Variants in PFKFB3 observed in about 807,000 individuals in gnomAD.
PFKFB3 encodes 6-phosphofructo-2-kinase/fructose-2,6-bisphosphatase 3.
Under a neutral mutation model 68.0 loss-of-function variants are expected in PFKFB3, and 33 were observed. The ratio of observed to expected loss-of-function variants is 0.49; its 90% CI spans 0.37 to 0.65. The LOEUF (loss-of-function observed/expected upper bound fraction) is 0.65. Ranked by LOEUF, PFKFB3 falls within the 30% of genes least tolerant of loss-of-function variation. The pLI is 0.00. For synonymous variants in PFKFB3, 315 were observed against 288.2 expected (o/e 1.09, Z -0.94); for missense variants, 586 against 712.2 (o/e 0.82, Z 2.02).
downstream of PFKFB3, among the ~76,000 whole-genome samples, chr10:6,258,635 T>A (rs1564239373): frequency 1.3e-5 from 2 of 152,250 alleles, no homozygotes; most frequent in African/African-American, 4.8e-5. Flanking sequence ...AAACCTGCTC[T>A]TAGCCTAGTG....
downstream of PFKFB3, among the ~76,000 whole-genome samples, chr10:6,237,376 AGAT>A (rs1426120729): frequency 2.2e-4 from 33 of 152,250 alleles, no homozygotes; most frequent in African/African-American, 7.7e-4. Flanking sequence ...GAGAAGACCC[AGAT>A]GATGTGCTGG....
At chr10:6,208,794 G>A (rs944308521) in intron 1 of PFKFB3, among the ~76,000 whole-genome samples, 1 of 152,168 alleles carries the variant, frequency 6.6e-6, no homozygotes, top group Admixed American at 6.5e-5. Flanking sequence ...CACTGTCCAG[G>A]TGGGGGATTC....
chr10:6,237,354 A>G (rs1846038026), downstream of PFKFB3, among the ~76,000 whole-genome samples: 1 of 152,246 alleles, frequency 6.6e-6, no homozygotes, highest in South Asian at 2.1e-4. Flanking sequence ...TAAATGGATA[A>G]CCAGTGCTGG....
At chr10:6,262,728 G>T in the PFKFB3 span, among the ~76,000 whole-genome samples, 12 of 152,126 alleles carry the variant, frequency 7.9e-5, no homozygotes, top group Non-Finnish European at 1.6e-4. Context: ...GAAGCCCTAA[G>T]GTAACAGAGA....
chr10:6,225,924 C>A (rs1014673540), intron 13 of PFKFB3, among the ~76,000 whole-genome samples: 9 of 152,198 alleles, frequency 5.9e-5, no homozygotes, highest in Admixed American at 5.9e-4. Context: ...TCCCTCCTTG[C>A]TTTGCAAGCA....
At chr10:6,147,108 C>G (rs940347253) in intron 1 of PFKFB3, among the ~76,000 whole-genome samples, 1 of 152,128 alleles carries the variant, frequency 6.6e-6, no homozygotes, top group African/African-American at 2.4e-5. Context: ...GGAGCCAGGC[C>G]GCGGCTGGGT....
At chr10:6,284,260 A>G in the PFKFB3 span, among the ~76,000 whole-genome samples, 4 of 152,132 alleles carry the variant, frequency 2.6e-5, no homozygotes, top group African/African-American at 9.7e-5. Flanking sequence ...TGCTAGACCT[A>G]TTTTTTATAC....
At chr10:6,292,555 C>T in the PFKFB3 span, among the ~76,000 whole-genome samples, 1 of 151,632 alleles carries the variant, frequency 6.6e-6, no homozygotes, top group East Asian at 1.9e-4. Context: ...TTCCAAAGTG[C>T]TGGGATTACA....
chr10:6,164,886 G>A (rs1054182757), intron 1 of PFKFB3, among the ~76,000 whole-genome samples: 2 of 152,072 alleles, frequency 1.3e-5, no homozygotes, highest in Non-Finnish European at 2.9e-5. Flanking sequence ...GCCACAGGGC[G>A]GTTTTCTCCT....
At chr10:6,281,856 A>C in the PFKFB3 span, among the ~76,000 whole-genome samples, 1 of 152,148 alleles carries the variant, frequency 6.6e-6, no homozygotes, top group Admixed American at 6.6e-5. Flanking sequence ...TGAATCTCTA[A>C]GTAGATTTTA....
rs1325727707 is a variant in PFKFB3, at chr10:6,220,694, G to C, written c.660G>C (p.Arg220=). 1 of 1,614,058 alleles carries C rather than the reference G, an allele frequency of 6.2e-7. No individual in the cohort carries two copies. The highest frequency in any genetic ancestry group is 1.7e-5 in the Admixed American group (1 of 60,022). The change falls in exon 8 of 15, where the codon CGG becomes CGC. Residue 220 remains arginine, a synonymous_variant. Transcript: ENST00000379775. The surrounding 1 kb of genome is among the most constrained non-coding windows in gnomAD (Gnocchi z 4.1). The part of the protein sequence containing the change: ...LSLIKVIDVG[R]RFLVNRVQDH... The stretch of plus-strand genomic sequence containing the variant: ...TGATCAAGGTGATTGACGTGGGCCG[G>C]AGGTTCCTGGTGAACCGGGTGCAGG...
At chr10:6,275,579 C>A in the PFKFB3 span, among the ~76,000 whole-genome samples, 2 of 152,208 alleles carry the variant, frequency 1.3e-5, no homozygotes, top group Non-Finnish European at 2.9e-5. The surrounding 1 kb of genome is among the most constrained non-coding windows in gnomAD (Gnocchi z 4.9). Flanking sequence ...GTTCCCCACA[C>A]GCGTTCTTAT....
At chr10:6,155,201 T>TTTTG (rs1841732886) in intron 1 of PFKFB3, among the ~76,000 whole-genome samples, 1 of 78,414 alleles carries the variant, frequency 1.3e-5, no homozygotes, top group Non-Finnish European at 3.8e-5. Context: ...TTACGAGTTT[T>TTTTG]TTTCTTTTTT....
At chr10:6,270,514 A>G in the PFKFB3 span, among the ~76,000 whole-genome samples, 2 of 152,108 alleles carry the variant, frequency 1.3e-5, no homozygotes, top group African/African-American at 4.8e-5. Flanking sequence ...CTGTCTCTCT[A>G]GCCTCAGCTC....
rs774403168 is a variant in PFKFB3 at position 6,224,143 on chromosome 10, C to G, written c.1277-6C>G. ...GCTTCCTCTGCCCCCATCCCACGCC[C>G]TCCAGGCTGCCGTGTGGAATCCATC... is the stretch of plus-strand genomic sequence containing the variant. On this transcript the variant is annotated splice_polypyrimidine_tract_variant and splice_region_variant and intron_variant, in intron 12 of 14. Coordinates refer to ENST00000379775, the MANE Select transcript of PFKFB3 (RefSeq NM_004566.4). 2 of 1,614,244 alleles carry G rather than the reference C, an allele frequency of 1.2e-6. No individual in the cohort carries two copies. The highest frequency in any genetic ancestry group is 3.3e-5 in the Admixed American group (2 of 60,038).
chr10:6,283,660 T>C, the PFKFB3 span, among the ~76,000 whole-genome samples: 1 of 152,134 alleles, frequency 6.6e-6, no homozygotes. Context: ...ACCAACCTTG[T>C]TCAGTTTTTA....
At chr10:6,184,691 C>T (rs888717349) in intron 1 of PFKFB3, among the ~76,000 whole-genome samples, 8 of 151,274 alleles carry the variant, frequency 5.3e-5, no homozygotes, top group Non-Finnish European at 8.8e-5. Context: ...AGGCTGGTTT[C>T]GAACTCCTGA....
At chr10:6,205,973 A>AT (rs1843660271) in intron 1 of PFKFB3, among the ~76,000 whole-genome samples, 66 of 71,310 alleles carry the variant, frequency 9.3e-4, no homozygotes, top group Admixed American at 8.4e-3. Flanking sequence ...AATTAAAAAA[A>AT]ATTTTTTTTT....
chr10:6,146,445 C>T, intron 1 of PFKFB3: 1 of 1,535,636 alleles, frequency 6.5e-7, no homozygotes, highest in Non-Finnish European at 8.7e-7. Flanking sequence ...CCTCTGTCAG[C>T]TGGACACGTT....
Sources: gnomAD v4.1 joint callset for allele counts (sites outside exome capture counted in the v4.1 genomes callset) on GRCh38, gnomAD v4.1.1 for gene constraint, Gnocchi (gnomAD v3.1) non-coding constraint, MANE v1.5 for transcripts, NCBI Gene and HGNC (gene_info 2026-07-23, HGNC 2026-07-21) for gene names.